SMYD2: variants seen among roughly 807,000 people sequenced by gnomAD.
SMYD2 encodes the protein SET and MYND domain containing 2.
SMYD2 carries 53 observed loss-of-function variants against 59.1 expected under a neutral mutation model. The ratio of observed to expected loss-of-function variants is 0.90; its 90% CI spans 0.72 to 1.13. The LOEUF (loss-of-function observed/expected upper bound fraction) is 1.13, where lower values mean the gene tolerates loss of function less well. Ranked by LOEUF, SMYD2 falls within the 50% of genes most tolerant of loss-of-function variation. The pLI is 0.00. For synonymous variants in SMYD2, 208 were observed against 198.8 expected, an observed-to-expected ratio of 1.05 and a Z score of -0.39; for missense variants, 494 against 544.7, an observed-to-expected ratio of 0.91 and a Z score of 0.93.
chr1:214,298,584 A>G (rs1422992673), intron 1 of SMYD2, among the ~76,000 whole-genome samples: 1 of 152,228 alleles, frequency 6.6e-6, no homozygotes, highest in South Asian at 2.1e-4. Flanking sequence ...AGCAAAAGAA[A>G]CTATCAACAG....
At chr1:214,331,230 TGTG>T in intron 9 of SMYD2, 160 bp downstream of exon 9, 1 of 1,016,960 alleles carries the variant, frequency 9.8e-7, no homozygotes, top group Non-Finnish European at 1.4e-6. Flanking sequence ...CCACCCACAA[TGTG>T]GTGTCCATCC....
chr1:214,320,735 A>G (rs1571930822), intron 5 of SMYD2, among the ~76,000 whole-genome samples: 1 of 152,352 alleles, frequency 6.6e-6, no homozygotes, highest in Non-Finnish European at 1.5e-5. Context: ...ATTTAGATAT[A>G]TTTCAGTTAT....
chr1:214,298,744 G>A (rs1656772536), intron 1 of SMYD2, among the ~76,000 whole-genome samples: 1 of 152,114 alleles, frequency 6.6e-6, no homozygotes, highest in Non-Finnish European at 1.5e-5. Context: ...CATACAAGTG[G>A]CCAATAAACA....
rs1003862581 is a variant in SMYD2 at position 214,332,218 on chromosome 1, T to C, written c.1112+26T>C. ...GTGATTGCAGAGGCTGTTCTAATCA[T>C]CCACGGAGTGGAATTTGGTTGTTTA... On this transcript the variant is annotated intron_variant, in intron 10 of 11. Coordinates refer to ENST00000366957, the MANE Select transcript of SMYD2 (RefSeq NM_020197.3). The C allele has an allele frequency of 1.6e-5, 26 of 1,610,246 alleles. No homozygotes were observed. In the Middle Eastern group the frequency reaches 1.5e-3, roughly 92 times the overall value.
chr1:214,335,874 A>G lies in SMYD2; in HGVS notation c.1222-830A>G, dbSNP rs190087772. 3.9e-4 allele frequency among the ~76,000 whole-genome samples: 60 copies of G among 152,332 alleles called. 1 individual carries two copies. Among genetic ancestry groups the G allele is most frequent in the Middle Eastern group, 3.4e-3 (1 of 294 alleles). ...TAAGTACATTCTCTAGCATCCCTCA[A>G]TGAAACCTGCTACCTTTCTTTTAAG... On this transcript the variant is annotated intron_variant, in intron 11 of 11. Transcript: ENST00000366957.
chr1:214,312,252 G>A lies in SMYD2; in HGVS notation c.238-2510G>A, dbSNP rs1558053482. The stretch of plus-strand genomic sequence containing the variant: ...GCATTAAATCATTAAGTGACATTAT[G>A]TGCTTCCTTCTTGGGGGATCAGTGT... On this transcript the variant is annotated intron_variant, in intron 2 of 11. Transcript: ENST00000366957. The surrounding 1 kb of genome is among the most constrained non-coding windows in gnomAD (Gnocchi z 4.1). 6.6e-6 allele frequency among the ~76,000 whole-genome samples: 1 copy of A among 152,170 alleles called. No individual in the cohort carries two copies. The highest frequency in any genetic ancestry group is 1.5e-5 in the Non-Finnish European group (1 of 68,032).
chr1:214,287,247 C>G (rs1161501853), intron 1 of SMYD2, among the ~76,000 whole-genome samples: 1 of 151,828 alleles, frequency 6.6e-6, no homozygotes, highest in Non-Finnish European at 1.5e-5. Flanking sequence ...GGGGTGAACA[C>G]TGGGAAGGAA....
chr1:214,304,267 C>T (rs1558051695), intron 1 of SMYD2, among the ~76,000 whole-genome samples: 1 of 152,210 alleles, frequency 6.6e-6, no homozygotes, highest in South Asian at 2.1e-4. Context: ...ATTCAAGAAT[C>T]TATTTCTTGG....
intron 2 of SMYD2, 144 bp downstream of exon 2, chr1:214,305,394 C>A: frequency 1.3e-6 from 1 of 789,582 alleles, no homozygotes. Flanking sequence ...GTGCTGACCC[C>A]GACCTCACAG....
Position 214,281,377 on chromosome 1 carries a change from C to T in SMYD2, c.123C>T (p.Tyr41=). 2.7e-6 allele frequency: 4 copies of T among 1,461,256 alleles called. No individual in the cohort carries two copies. Among genetic ancestry groups the T allele is most frequent in the Non-Finnish European group, 3.6e-6 (4 of 1,099,548 alleles). The allele number at this position is 1,461,256 out of a possible 1,614,324, so 90.5% of individuals were successfully genotyped here. A position where few individuals can be genotyped will look rare whatever the true frequency, so the allele number is the denominator to read the frequency against. The change falls in exon 1 of 12, where the codon TAC becomes TAT. Residue 41 remains tyrosine (Y), a synonymous_variant. Transcript: ENST00000366957. Reference sequence around the variant, plus strand: ...TGTTCTCCTGCCCGGCCTATGCCTACGTGCTCACGGTCAACGAGCGGGGCA... The same window carrying T: ...TGTTCTCCTGCCCGGCCTATGCCTATGTGCTCACGGTCAACGAGCGGGGCA... ...DLLFSCPAYA[Y]VLTVNERGNH...
At chr1:214,334,374 T>C (rs1182355897) in intron 11 of SMYD2, 66 bp downstream of exon 11, 2 of 1,395,874 alleles carry the variant, frequency 1.4e-6, no homozygotes, top group East Asian at 2.3e-5. Flanking sequence ...ACCTCCTTCA[T>C]GCCTCACCAG....
At chr1:214,288,910 G>A (rs995096516) in intron 1 of SMYD2, among the ~76,000 whole-genome samples, 21 of 149,062 alleles carry the variant, frequency 1.4e-4, no homozygotes, top group Non-Finnish European at 2.5e-4. Context: ...TTTCTGTGCC[G>A]TGTGATAGGG....
At chr1:214,306,061 T>C (rs1052208266) in intron 2 of SMYD2, among the ~76,000 whole-genome samples, 2 of 152,196 alleles carry the variant, frequency 1.3e-5, no homozygotes, top group African/African-American at 4.8e-5. Context: ...TTGTTTGATC[T>C]CTCTGGACAC....
At chr1:214,330,899 G>T (rs1352639706) in intron 8 of SMYD2, 51 bp from the exon 9 acceptor site, 2 of 1,612,306 alleles carry the variant, frequency 1.2e-6, no homozygotes, top group Non-Finnish European at 1.7e-6. Flanking sequence ...TTCCCTATCA[G>T]TGTGGTTTCC....
chr1:214,318,965 C>T lies in SMYD2; in HGVS notation c.516C>T (p.Leu172=), dbSNP rs374653375. 38 of 1,613,954 alleles carry T rather than the reference C, an allele frequency of 2.4e-5. No individual in the cohort carries two copies. Among genetic ancestry groups the T allele is most frequent in the East Asian group, 1.1e-4 (5 of 44,884 alleles). ...TCGGATTCCCTGACAATGATAGCCT[C>T]GTAGTACTCTTTGCACAGGTAAGGA... The part of the protein sequence containing the change: ...KHLGFPDNDS[L]VVLFAQVNCN... Residue 172 remains leucine (L), a synonymous_variant, in exon 5 of 12, where the codon CTC becomes CTT. Transcript: ENST00000366957. This position sits in a 1 kb window ranked among gnomAD's most constrained non-coding sequence, Gnocchi z 5.4.
intron 1 of SMYD2, among the ~76,000 whole-genome samples, chr1:214,292,586 A>C (rs531050661): frequency 6.6e-6 from 1 of 152,350 alleles, no homozygotes; most frequent in South Asian, 2.1e-4. Context: ...GAAATATATT[A>C]GTCTCATTTC....
At chr1:214,334,163 C>A in intron 10 of SMYD2, 37 bp from the exon 11 acceptor site, 1 of 1,594,614 alleles carries the variant, frequency 6.3e-7, no homozygotes. Flanking sequence ...TCAGTAGCCG[C>A]TGACATGGTG....
At chr1:214,297,717 C>T (rs549244445) in intron 1 of SMYD2, among the ~76,000 whole-genome samples, 399 of 152,282 alleles carry the variant, frequency 2.6e-3, no homozygotes, top group South Asian at 5.6e-3. Flanking sequence ...GCTTCATCCC[C>T]GCCTCCACCC....
intron 1 of SMYD2, among the ~76,000 whole-genome samples, chr1:214,304,640 G>A (rs1047777354): frequency 5.5e-5 from 8 of 146,102 alleles, no homozygotes; most frequent in Non-Finnish European, 7.4e-5. Context: ...GACAACATTC[G>A]AATAGTCCTA....
Sources: gnomAD v4.1 joint callset for allele counts (sites outside exome capture counted in the v4.1 genomes callset) on GRCh38, gnomAD v4.1.1 for gene constraint, Gnocchi (gnomAD v3.1) non-coding constraint, MANE v1.5 for transcripts, NCBI Gene and HGNC (gene_info 2026-07-23, HGNC 2026-07-21) for gene names.